The following SPATS1 variants were observed in gnomAD, a reference collection of about 807,000 sequenced individuals.
The protein encoded by SPATS1 is spermatogenesis associated serine rich 1.
Under a neutral mutation model 33.6 loss-of-function variants are expected in SPATS1, and 23 were observed. The ratio of observed to expected loss-of-function variants is 0.68; its 90% CI spans 0.49 to 0.97. The LOEUF (loss-of-function observed/expected upper bound fraction) is 0.97. Among genes scored for constraint, SPATS1 ranks in the 50% least tolerant of loss-of-function variants. The pLI is 0.00. For synonymous variants in SPATS1, 131 were observed against 125.6 expected, an observed-to-expected ratio of 1.04 and a Z score of -0.29; for missense variants, 327 against 361.0, an observed-to-expected ratio of 0.91 and a Z score of 0.76.
chr6:44,347,298 A>G (rs1392222093), intron 2 of SPATS1, among the ~76,000 whole-genome samples: 1 of 152,140 alleles, frequency 6.6e-6, no homozygotes, highest in Non-Finnish European at 1.5e-5. Context: ...GGGTGCAGCA[A>G]ACTACCGTGG....
rs1390984246 is a variant in SPATS1 at position 44,360,575 on chromosome 6, G to C, written c.412+5G>C. 2 of 1,614,028 alleles carry C rather than the reference G, an allele frequency of 1.2e-6. No individual in the cohort carries two copies. Among genetic ancestry groups the C allele is most frequent in the Admixed American group, 3.3e-5 (2 of 60,016 alleles). ...GCCTGCTTAAGTTGCAGACGAGTAA[G>C]TCACAGACCCTCCTCCACATGCTTC... On this transcript the variant is annotated splice_donor_5th_base_variant and intron_variant, in intron 4 of 8. Coordinates refer to ENST00000674044, the MANE Select transcript of SPATS1 (RefSeq NM_001372081.1).
chr6:44,352,617 G>A (rs1788307714), intron 2 of SPATS1, 109 bp from the exon 3 acceptor site: 3 of 971,582 alleles, frequency 3.1e-6, no homozygotes, highest in Non-Finnish European at 4.7e-6. Context: ...CACAGTAAAT[G>A]TTCAATAAAT....
chr6:44,371,995 C>T (rs556785844), intron 7 of SPATS1, among the ~76,000 whole-genome samples: 1 of 147,716 alleles, frequency 6.8e-6, no homozygotes, highest in East Asian at 2.0e-4. Context: ...TGATGGCTCA[C>T]TCCTGTAACC....
chr6:44,363,825 G>A (rs951529267), intron 5 of SPATS1, among the ~76,000 whole-genome samples: 1 of 151,466 alleles, frequency 6.6e-6, no homozygotes, highest in African/African-American at 2.4e-5. Context: ...TGAAACATTT[G>A]TTGACTATAT....
At chr6:44,350,160 TC>T (rs1376620781) in intron 2 of SPATS1, among the ~76,000 whole-genome samples, 3 of 152,216 alleles carry the variant, frequency 2.0e-5, no homozygotes. Flanking sequence ...CTGAGGTGCT[TC>T]TTAAATATCC....
At chr6:44,362,134 G>A in intron 5 of SPATS1, 142 bp downstream of exon 5, 1 of 1,035,530 alleles carries the variant, frequency 9.7e-7, no homozygotes, top group Non-Finnish European at 1.4e-6. Flanking sequence ...ACAGAAAAGT[G>A]AAGGGGACAG....
At chr6:44,344,931 T>A (rs1787783086) in intron 2 of SPATS1, among the ~76,000 whole-genome samples, 2 of 152,182 alleles carry the variant, frequency 1.3e-5, no homozygotes, top group Admixed American at 6.5e-5. Context: ...TCATGATAAA[T>A]GGTGAAACTT....
intron 3 of SPATS1, among the ~76,000 whole-genome samples, chr6:44,357,157 C>G (rs1423116220): frequency 6.6e-6 from 1 of 152,166 alleles, no homozygotes; most frequent in Admixed American, 6.5e-5. Flanking sequence ...CTCAAAAACT[C>G]CTGCCACAAC....
In SPATS1 at chr6:44,361,821, T is replaced by C. The variant is rs1788940177; in HGVS notation, c.413-10T>C. The C allele has an allele frequency of 1.2e-6, 2 of 1,614,086 alleles. No individual in the cohort carries two copies. Among genetic ancestry groups the C allele is most frequent in the South Asian group, 2.2e-5 (2 of 91,090 alleles). ...ACAGTGCTAATGGAAGGCTTTCTGGTGTATTGCAGAAGATGGGCATCGTCC... is the reference window on the plus strand; with the variant it reads ...ACAGTGCTAATGGAAGGCTTTCTGGCGTATTGCAGAAGATGGGCATCGTCC... On this transcript the variant is annotated splice_polypyrimidine_tract_variant and intron_variant, in intron 4 of 8. Transcript: ENST00000674044.
chr6:44,371,111 T>C (rs908551233), intron 7 of SPATS1, among the ~76,000 whole-genome samples: 4 of 150,798 alleles, frequency 2.7e-5, no homozygotes, highest in East Asian at 3.9e-4. Flanking sequence ...ATGGGCAACA[T>C]AGTGAGACCC....
chr6:44,357,059 T>C (rs1276094971), intron 3 of SPATS1, among the ~76,000 whole-genome samples: 4 of 152,210 alleles, frequency 2.6e-5, no homozygotes. Flanking sequence ...TATTTAATGA[T>C]ATTCCATTAA....
At chr6:44,349,118 G>A (rs1788082107) in intron 2 of SPATS1, among the ~76,000 whole-genome samples, 1 of 151,394 alleles carries the variant, frequency 6.6e-6, no homozygotes, top group African/African-American at 2.4e-5. Context: ...GGGACAGAGC[G>A]AGACTCTGTC....
At chr6:44,361,302 C>T (rs1788903064) in intron 4 of SPATS1, 1 of 983,354 alleles carries the variant, frequency 1.0e-6, no homozygotes, top group Non-Finnish European at 1.2e-6. Flanking sequence ...CAGAAACTAG[C>T]CTGGGGTCTC....
At position 44,378,000 on chromosome 6, in the gene SPATS1, T is replaced by C. The variant is rs1229845070; in HGVS notation, c.*937T>C. Reference sequence around the variant, plus strand: ...TAAAACTTTTCATTTTATTAATACCTTTTGGAATGTTTCTCTAATGTTAAC... The same window carrying C: ...TAAAACTTTTCATTTTATTAATACCCTTTGGAATGTTTCTCTAATGTTAAC... On this transcript the variant is annotated 3_prime_UTR_variant, in exon 9 of 9. Coordinates refer to ENST00000674044, the MANE Select transcript of SPATS1 (RefSeq NM_001372081.1). 1 of 152,186 alleles carries C rather than the reference T, an allele frequency of 6.6e-6. No individual in the cohort carries two copies. The highest frequency in any genetic ancestry group is 1.5e-5 in the Non-Finnish European group (1 of 68,052). 9.4% of individuals were successfully genotyped at this position (152,186 alleles called of 1,614,324 possible). A position where few individuals can be genotyped will look rare whatever the true frequency, so the allele number is the denominator to read the frequency against.
intron 3 of SPATS1, among the ~76,000 whole-genome samples, chr6:44,357,779 G>A (rs1487340352): frequency 2.0e-5 from 3 of 152,158 alleles, no homozygotes; most frequent in Non-Finnish European, 2.9e-5. Context: ...TGAGTATTCT[G>A]AATAGGAGCT....
intron 7 of SPATS1, among the ~76,000 whole-genome samples, chr6:44,375,138 T>C (rs748819302): frequency 7.2e-5 from 11 of 152,184 alleles, no homozygotes; most frequent in Non-Finnish European, 1.2e-4. Context: ...ACTCTGGGTA[T>C]CTGCATTAGC....
intron 5 of SPATS1, 122 bp downstream of exon 5, chr6:44,362,114 A>G: frequency 4.0e-6 from 5 of 1,247,406 alleles, no homozygotes. Context: ...CCCCTAGTGC[A>G]GCCAGGAAGA....
At chr6:44,366,722 TCGTATCCTCCA>T (rs1789273415) in intron 5 of SPATS1, among the ~76,000 whole-genome samples, 4 of 152,188 alleles carry the variant, frequency 2.6e-5, no homozygotes, top group Non-Finnish European at 4.4e-5. Flanking sequence ...TATATAGCAA[TCGTATCCTCCA>T]GATTAAAAAA....
chr6:44,361,249 AC>A, intron 4 of SPATS1: 2 of 724,928 alleles, frequency 2.8e-6, no homozygotes, highest in Non-Finnish European at 3.4e-6. Context: ...TAGCCATCTT[AC>A]AGGAAAAGTA....
Sources: gnomAD v4.1 joint callset for allele counts (sites outside exome capture counted in the v4.1 genomes callset) on GRCh38, gnomAD v4.1.1 for gene constraint, MANE v1.5 for transcripts, NCBI Gene and HGNC (gene_info 2026-07-23, HGNC 2026-07-21) for gene names.